AGBL1: variants seen among roughly 807,000 people sequenced by gnomAD.
AGBL1 encodes the protein AGBL carboxypeptidase 1, also known as cytosolic carboxypeptidase 4.
In AGBL1, 130 loss-of-function variants were observed where a neutral mutation model predicts 118.9. The observed-to-expected ratio is 1.09, with a 90% confidence interval of 0.95 to 1.26. AGBL1 has a LOEUF of 1.26. AGBL1 is among the 50% of genes most tolerant of loss of function. AGBL1 has a pLI of 0.00. For synonymous variants in AGBL1, 555 were observed against 478.9 expected, an observed-to-expected ratio of 1.16 and a Z score of -2.08; for missense variants, 1,584 against 1,298.1, an observed-to-expected ratio of 1.22 and a Z score of -3.38.
chr15:86,671,539 C>G (rs1203861172), intron 21 of AGBL1, among the ~76,000 whole-genome samples: 1 of 152,148 alleles, frequency 6.6e-6, no homozygotes, highest in African/African-American at 2.4e-5. Context: ...TATTCATAAA[C>G]TTTCTACTGT....
intron 18 of AGBL1, among the ~76,000 whole-genome samples, chr15:86,479,131 A>G (rs2082608397): frequency 6.6e-6 from 1 of 152,216 alleles, no homozygotes; most frequent in Non-Finnish European, 1.5e-5. Context: ...TAAAAACCCT[A>G]GAAGAAAACC....
intron 22 of AGBL1, among the ~76,000 whole-genome samples, chr15:86,847,223 CTT>C (rs2079332460): frequency 6.6e-6 from 1 of 152,212 alleles, no homozygotes; most frequent in East Asian, 1.9e-4. Context: ...ACTTTGAAGT[CTT>C]TTTCTGCTGA....
At chr15:86,552,537 C>T (rs975064634) in intron 20 of AGBL1, among the ~76,000 whole-genome samples, 5 of 152,300 alleles carry the variant, frequency 3.3e-5, no homozygotes, top group Middle Eastern at 3.4e-3. Context: ...GGGGTCTGGA[C>T]TAGCAGATTC....
chr15:86,562,332 C>A lies in AGBL1; in HGVS notation c.2994+7795C>A, dbSNP rs200737766. 6.2e-4 allele frequency among the ~76,000 whole-genome samples: 94 copies of A among 152,240 alleles called. 1 individual carries two copies. Among genetic ancestry groups the A allele is most frequent in the African/African-American group, 2.1e-3 (88 of 41,558 alleles). ...GATATGTCCCATCAATACCTAATTT[C>A]TTGAGAGTTTTTAGCATGAAGGGCT... On this transcript the variant is annotated intron_variant, in intron 21 of 22. Transcript: ENST00000614907.
At chr15:86,357,697 A>T (rs900356517) in intron 17 of AGBL1, among the ~76,000 whole-genome samples, 11 of 152,132 alleles carry the variant, frequency 7.2e-5, no homozygotes, top group African/African-American at 2.7e-4. Flanking sequence ...TTGCTTTAAC[A>T]TAGCGTGCTT....
intron 4 of AGBL1, among the ~76,000 whole-genome samples, chr15:86,157,416 C>T (rs559503056): frequency 2.6e-5 from 4 of 152,164 alleles, no homozygotes; most frequent in Non-Finnish European, 4.4e-5. Context: ...TTCCTGGTTT[C>T]CTAAAGCATA....
At chr15:86,344,892 C>G (rs2080512752) in intron 17 of AGBL1, among the ~76,000 whole-genome samples, 1 of 151,918 alleles carries the variant, frequency 6.6e-6, no homozygotes, top group Non-Finnish European at 1.5e-5. Context: ...TTTGCCATGC[C>G]CTGTTCAGAG....
chr15:86,439,615 G>A (rs1245515830), intron 18 of AGBL1, among the ~76,000 whole-genome samples: 2 of 152,064 alleles, frequency 1.3e-5, no homozygotes, highest in Admixed American at 1.3e-4. Flanking sequence ...TCACTAATAG[G>A]GTCAACAACA....
At chr15:86,699,132 C>T (rs546875295) in intron 22 of AGBL1, among the ~76,000 whole-genome samples, 6 of 151,750 alleles carry the variant, frequency 4.0e-5, no homozygotes, top group Non-Finnish European at 8.8e-5. Context: ...AACCTTTTAT[C>T]TTTAAATAAT....
At chr15:86,223,400 T>G (rs1377536702) in intron 5 of AGBL1, among the ~76,000 whole-genome samples, 1 of 152,160 alleles carries the variant, frequency 6.6e-6, no homozygotes, top group East Asian at 1.9e-4. Flanking sequence ...GTTCTGCTTT[T>G]CCCAAAACAC....
chr15:86,309,159 GTTTTAT>G (rs957061868), intron 17 of AGBL1, among the ~76,000 whole-genome samples: 1 of 152,004 alleles, frequency 6.6e-6, no homozygotes, highest in African/African-American at 2.4e-5. Context: ...TTATTCCTAA[GTTTTAT>G]TTTTATGTTA....
intron 23 of AGBL1, among the ~76,000 whole-genome samples, chr15:86,974,571 ATATT>A (rs1277376820): frequency 2.9e-5 from 4 of 138,908 alleles, no homozygotes; most frequent in Non-Finnish European, 6.1e-5. Context: ...TAAATTATAT[ATATT>A]AAATATATAA....
chr15:86,479,458 C>A (rs1026500296), intron 18 of AGBL1, among the ~76,000 whole-genome samples: 20 of 152,148 alleles, frequency 1.3e-4, no homozygotes, highest in African/African-American at 4.3e-4. Flanking sequence ...ACATTTATGC[C>A]ACCAACAGAC....
In AGBL1 at chr15:86,329,609, G is replaced by A. The variant is rs142594592; in HGVS notation, c.2374+34201G>A. Among the ~76,000 whole-genome samples the A allele has an allele frequency of 2.5e-3, 379 of 148,742 alleles. 2 individuals are homozygous for A. The highest frequency in any genetic ancestry group is 8.8e-3 in the African/African-American group (355 of 40,174). On this transcript the variant is annotated intron_variant, in intron 17 of 22. Coordinates refer to ENST00000614907, the MANE Select transcript of AGBL1 (RefSeq NM_001386094.1). ...GCTCCCTGGTCAAGCAGCCTGAGCC[G>A]CCTCACTATTCCTGGACATAGATCA... is the stretch of plus-strand genomic sequence containing the variant.
rs55955604 is a variant in AGBL1 at position 86,356,335 on chromosome 15, C to CGTGT, written c.2375-41013_2375-41010dup. 6.7e-3 allele frequency among the ~76,000 whole-genome samples: 1,012 copies of CGTGT among 150,144 alleles called. 12 individuals are homozygous for CGTGT. The highest frequency in any genetic ancestry group is 0.02 in the African/African-American group (838 of 40,974). On this transcript the variant is annotated intron_variant, in intron 17 of 22. Coordinates refer to ENST00000614907, the MANE Select transcript of AGBL1 (RefSeq NM_001386094.1). ...TTGGATTTATATCTACGAAGATAGA[C>CGTGT]GTGTGTGTGTGTGTGTGTGTGCGCG...
intron 17 of AGBL1, among the ~76,000 whole-genome samples, chr15:86,393,664 C>T (rs187861527): frequency 6.6e-6 from 1 of 152,244 alleles, no homozygotes; most frequent in Admixed American, 6.5e-5. Context: ...AGCTAGCTAA[C>T]TGTACATCTC....
intron 3 of AGBL1, among the ~76,000 whole-genome samples, chr15:86,147,336 G>A (rs1597456554): frequency 6.6e-6 from 1 of 152,344 alleles, no homozygotes; most frequent in East Asian, 1.9e-4. Flanking sequence ...AGAACAAGAG[G>A]TTGGGGGATT....
intron 22 of AGBL1, among the ~76,000 whole-genome samples, chr15:86,889,334 C>T (rs1000184425): frequency 8.6e-6 from 1 of 116,258 alleles, no homozygotes; most frequent in Non-Finnish European, 1.6e-5. Context: ...TTTCCAGATG[C>T]TCTGATCTTC....
chr15:86,175,766 C>T (rs1035815481), intron 5 of AGBL1, among the ~76,000 whole-genome samples: 2 of 152,174 alleles, frequency 1.3e-5, no homozygotes, highest in African/African-American at 2.4e-5. Context: ...AATGGCCATT[C>T]AAGAGCATGT....
Sources: gnomAD v4.1 joint callset for allele counts (sites outside exome capture counted in the v4.1 genomes callset) on GRCh38, gnomAD v4.1.1 for gene constraint, MANE v1.5 for transcripts, NCBI Gene and HGNC (gene_info 2026-07-23, HGNC 2026-07-21) for gene names.